Variants in FHIP1B observed in about 807,000 individuals in gnomAD.
FHIP1B encodes the protein FHF complex subunit HOOK interacting protein 1B.
A neutral mutation model predicts 82.2 loss-of-function variants in FHIP1B; 28 were observed. The ratio of observed to expected loss-of-function variants is 0.34; its 90% CI spans 0.25 to 0.47. The LOEUF is 0.47. Among genes scored for constraint, FHIP1B ranks in the 20% least tolerant of loss-of-function variants. The pLI is 1.00. For synonymous variants in FHIP1B, 585 were observed against 516.1 expected (o/e 1.13, Z -1.81); for missense variants, 1,110 against 1,262.6 (o/e 0.88, Z 1.83).
chr11:6,233,058 A>G (rs1008280206), intron 1 of FHIP1B, among the ~76,000 whole-genome samples: 2 of 152,250 alleles, frequency 1.3e-5, no homozygotes, highest in Non-Finnish European at 2.9e-5. Flanking sequence ...CCACTACTCT[A>G]AACTCTGAAC....
intron 1 of FHIP1B, among the ~76,000 whole-genome samples, chr11:6,233,458 C>T (rs1016418852): frequency 3.9e-5 from 6 of 152,122 alleles, no homozygotes; most frequent in African/African-American, 1.4e-4. Context: ...AAGATGAACC[C>T]AACTACAGGG....
In FHIP1B at chr11:6,214,536, G is replaced by A. The variant is rs1467164737; in HGVS notation, c.2432C>T (p.Ala811Val). 6.2e-6 allele frequency: 10 copies of A among 1,613,616 alleles called. No individual in the cohort carries two copies. The highest frequency in any genetic ancestry group is 1.3e-5 in the African/African-American group (1 of 74,922). The change falls in exon 11 of 12, where the codon GCG (alanine) becomes GTG (valine). Residue 811 changes from alanine to valine, a missense_variant. By Grantham distance (64) the Ala-to-Val change is moderately conservative. This residue lies in a region of FHIP1B where 147 missense variants were observed against 154.0 expected (regional missense o/e 0.95). Coordinates refer to ENST00000449352, the MANE Select transcript of FHIP1B (RefSeq NM_001098794.2). ...TGCTGGGAAGTCCTCCTGGGAAGCC[G>A]CAAAGTTCTCAATCTTATTCTTCAC... ...GSVKNKIENF[A>V]ASQEDFPALL...
At position 6,211,694 on chromosome 11, in the gene FHIP1B, C is replaced by A; in HGVS notation, c.2731G>T (p.Ala911Ser). 1 of 1,614,132 alleles carries A rather than the reference C, an allele frequency of 6.2e-7. No homozygotes were observed. Among genetic ancestry groups the A allele is most frequent in the Non-Finnish European group, 8.5e-7 (1 of 1,179,984 alleles). ...AGAGCCTCACCTTGGCGTTCAGGGG[C>A]CCCGCCCCGGGTGAGTAGAACTGGA... ...STPVLLTRGG[A>S]PERQGEALRV... is the part of the protein sequence containing the mutation. The change falls in exon 12 of 12, where the codon GCC (alanine) becomes TCC (serine). Residue 911 changes from alanine (A) to serine (S), a missense_variant. This residue lies in a region of FHIP1B where 147 missense variants were observed against 154.0 expected (regional missense o/e 0.95). Coordinates refer to ENST00000449352, the MANE Select transcript of FHIP1B (RefSeq NM_001098794.2).
chr11:6,218,800 C>T lies in FHIP1B; in HGVS notation c.1272-37G>A, dbSNP rs2133806682. 1.9e-6 allele frequency: 3 copies of T among 1,610,216 alleles called. No individual in the cohort carries two copies. The East Asian group carries it at 6.7e-5, about 36-fold the overall frequency. On this transcript the variant is annotated intron_variant, in intron 7 of 11. Transcript: ENST00000449352. Reference sequence around the variant, plus strand: ...ATCAGAAAGGGGACACAGGGTAGATCAGGAAGGAAGGACAGGGCCTAGAGG... The same window carrying T: ...ATCAGAAAGGGGACACAGGGTAGATTAGGAAGGAAGGACAGGGCCTAGAGG...
rs766402546 is a variant in FHIP1B, at chr11:6,222,478, G to A, written c.1155C>T (p.Leu385=). Residue 385 remains leucine (L), a synonymous_variant, in exon 6 of 12, where the codon CTC becomes CTT. Coordinates refer to ENST00000449352, the MANE Select transcript of FHIP1B (RefSeq NM_001098794.2). The stretch of plus-strand genomic sequence containing the variant: ...TGCCAATACGAGCAACGAGGGTGTC[G>A]AGGATGGTGTGGGTGTCATGCCGGT... ...LLHRHDTHTI[L]DTLVARIGSN... 21 of 1,613,940 alleles carry A rather than the reference G, an allele frequency of 1.3e-5. No homozygotes were observed. The highest frequency in any genetic ancestry group is 1.6e-5 in the Non-Finnish European group (19 of 1,180,034).
Position 6,223,904 on chromosome 11 carries a change from G to A in FHIP1B, c.483C>T (p.Ala161=). ...VREALLTLLD[A]CGRPVPSSPA... ...GGCTACTGGGCACAGGGCGGCCACA[G>A]GCATCCAGCAGGGTGAGCAGAGCCT... Residue 161 remains alanine, a synonymous_variant, in exon 3 of 12, where the codon GCC becomes GCT. Coordinates refer to ENST00000449352, the MANE Select transcript of FHIP1B (RefSeq NM_001098794.2). The surrounding 1 kb of genome is among the most constrained non-coding windows in gnomAD (Gnocchi z 4.8). 1 of 1,614,212 alleles carries A rather than the reference G, an allele frequency of 6.2e-7. No homozygotes were observed.
Position 6,223,238 on chromosome 11 carries a change from C to A in FHIP1B, c.778G>T (p.Val260Leu), listed in dbSNP as rs990202124. The A allele has an allele frequency of 1.9e-6, 3 of 1,584,050 alleles. No individual in the cohort carries two copies. Among genetic ancestry groups the A allele is most frequent in the Non-Finnish European group, 2.6e-6 (3 of 1,173,020 alleles). ...YIADHSYFCPVLATGLSALYS... is the reference protein window; with the variant it reads ...YIADHSYFCPLLATGLSALYS... Reference sequence around the variant, plus strand: ...AGGGCACTGAGCCCTGTGGCCAGCACCTATGAGAAGTTACCAAAAGCTCAT... The same window carrying A: ...AGGGCACTGAGCCCTGTGGCCAGCAACTATGAGAAGTTACCAAAAGCTCAT... Residue 260 changes from valine (V) to leucine (L), a missense_variant and splice_region_variant, in exon 4 of 12, where the codon GTG (valine) becomes TTG (leucine). Val to Leu is a conservative substitution (Grantham distance 32, BLOSUM62 1). Transcript: ENST00000449352. This position sits in a 1 kb window ranked among gnomAD's most constrained non-coding sequence, Gnocchi z 4.8.
chr11:6,218,922 C>T, intron 7 of FHIP1B, 49 bp downstream of exon 7: 1 of 1,601,180 alleles, frequency 6.2e-7, no homozygotes, highest in South Asian at 1.1e-5. Context: ...ATGCATAAGA[C>T]TCTGAGGCTT....
At chr11:6,216,617 T>C (rs1295981839) in intron 9 of FHIP1B, 6 of 158,308 alleles carry the variant, frequency 3.8e-5, no homozygotes, top group African/African-American at 7.2e-5. Context: ...CTGGCTCTCA[T>C]ACAAAAACAA....
Position 6,223,894 on chromosome 11 carries a change from G to A in FHIP1B, c.493C>T (p.Pro165Ser). The A allele has an allele frequency of 1.2e-6, 2 of 1,614,188 alleles. No homozygotes were observed. Among genetic ancestry groups the A allele is most frequent in the East Asian group, 2.2e-5 (1 of 44,878 alleles). Reference sequence around the variant, plus strand: ...TCCAGTGCTGGGCTACTGGGCACAGGGCGGCCACAGGCATCCAGCAGGGTG... The same window carrying A: ...TCCAGTGCTGGGCTACTGGGCACAGAGCGGCCACAGGCATCCAGCAGGGTG... ...LLTLLDACGRPVPSSPALDEG... is the reference protein window; with the variant it reads ...LLTLLDACGRSVPSSPALDEG... Residue 165 changes from proline to serine, a missense_variant, in exon 3 of 12, where the codon CCT (proline) becomes TCT (serine). Coordinates refer to ENST00000449352, the MANE Select transcript of FHIP1B (RefSeq NM_001098794.2). The surrounding 1 kb of genome is among the most constrained non-coding windows in gnomAD (Gnocchi z 4.8).
At chr11:6,222,168 G>A (rs1340751678) in intron 6 of FHIP1B, among the ~76,000 whole-genome samples, 1 of 152,108 alleles carries the variant, frequency 6.6e-6, no homozygotes, top group African/African-American at 2.4e-5. Flanking sequence ...TACGAACACT[G>A]CACAGTAGCA....
chr11:6,219,708 A>G (rs547044418), intron 6 of FHIP1B, among the ~76,000 whole-genome samples: 4 of 152,228 alleles, frequency 2.6e-5, no homozygotes, highest in Non-Finnish European at 5.9e-5. Flanking sequence ...CTAGGTAAAG[A>G]AAACACATAT....
chr11:6,216,230 C>T (rs1847221978), intron 9 of FHIP1B, among the ~76,000 whole-genome samples: 1 of 152,244 alleles, frequency 6.6e-6, no homozygotes, highest in African/African-American at 2.4e-5. Flanking sequence ...AACTCCATGG[C>T]AGAAGCCCTG....
chr11:6,224,314 A>T, intron 2 of FHIP1B, 65 bp downstream of exon 2: 1 of 1,614,144 alleles, frequency 6.2e-7, no homozygotes, highest in Non-Finnish European at 8.5e-7. Flanking sequence ...GGATGAGGAG[A>T]ATATAGAAGG....
chr11:6,225,216 G>A (rs1847531833), intron 1 of FHIP1B, among the ~76,000 whole-genome samples: 1 of 152,186 alleles, frequency 6.6e-6, no homozygotes. Context: ...GCCTACAGGA[G>A]CCTACATAAT....
chr11:6,222,948 G>A (rs1488223637), intron 4 of FHIP1B, 51 bp from the exon 5 acceptor site: 3 of 1,589,310 alleles, frequency 1.9e-6, no homozygotes, highest in African/African-American at 2.7e-5. Context: ...ACCACTGCCT[G>A]GAAGGGAGTA....
chr11:6,224,886 A>G (rs1847520960), intron 1 of FHIP1B, among the ~76,000 whole-genome samples, 179 bp from the exon 2 acceptor site: 1 of 152,148 alleles, frequency 6.6e-6, no homozygotes, highest in Admixed American at 6.5e-5. Flanking sequence ...TACTCCTTCA[A>G]CTTTCTCCAT....
At chr11:6,234,218 T>C (rs325699) in intron 1 of FHIP1B, among the ~76,000 whole-genome samples, 2,548 of 151,946 alleles carry the variant, frequency 0.017, 65 homozygotes, top group African/African-American at 0.054. Flanking sequence ...CTGCGCCTTT[T>C]ACTCTCTCTC....
chr11:6,230,021 C>T (rs1011630438), intron 1 of FHIP1B, among the ~76,000 whole-genome samples: 2 of 151,570 alleles, frequency 1.3e-5, no homozygotes, highest in African/African-American at 4.9e-5. Context: ...CCAGATTTAC[C>T]TTCAGGCTCA....
Sources: allele counts gnomAD v4.1 joint callset (sites outside exome capture counted in the v4.1 genomes callset), GRCh38; gene constraint gnomAD v4.1.1; regional missense constraint gnomAD v4.1.1; non-coding constraint Gnocchi (gnomAD v3.1); transcripts MANE v1.5; gene names NCBI Gene and HGNC (gene_info 2026-07-23, HGNC 2026-07-21).